The following LDLRAD4 variants were observed in gnomAD, a reference collection of about 807,000 sequenced individuals.
The protein encoded by LDLRAD4 is low density lipoprotein receptor class A domain containing 4.
LDLRAD4 carries 5 observed loss-of-function variants against 17.0 expected under a neutral mutation model. That is an observed-to-expected ratio of 0.29 (90% CI 0.15 to 0.62). The LOEUF (loss-of-function observed/expected upper bound fraction) is 0.62. Ranked by LOEUF, LDLRAD4 falls within the 20% of genes least tolerant of loss-of-function variation. LDLRAD4 has a pLI of 0.84. For synonymous variants in LDLRAD4, 168 were observed against 171.8 expected (o/e 0.98, Z 0.17); for missense variants, 340 against 424.7 (o/e 0.80, Z 1.75).
chr18:13,348,679 A>G (rs1462505342), intron 1 of LDLRAD4, among the ~76,000 whole-genome samples: 2 of 152,140 alleles, frequency 1.3e-5, no homozygotes, highest in South Asian at 2.1e-4. Context: ...GGTGGAGTCT[A>G]TAGAGGCAGG....
chr18:13,448,165 C>T (rs1253411081), intron 3 of LDLRAD4, among the ~76,000 whole-genome samples: 1 of 152,202 alleles, frequency 6.6e-6, no homozygotes. Flanking sequence ...ATTTCAGACC[C>T]AGGCTTCAAA....
upstream of LDLRAD4, among the ~76,000 whole-genome samples, chr18:13,218,555 T>C (rs1272401260): frequency 6.6e-6 from 1 of 152,010 alleles, no homozygotes; most frequent in Non-Finnish European, 1.5e-5. Flanking sequence ...AGCGGGAAGA[T>C]CCTGCAGGAC....
At chr18:13,294,741 G>A (rs1187892500) in intron 1 of LDLRAD4, among the ~76,000 whole-genome samples, 3 of 151,752 alleles carry the variant, frequency 2.0e-5, no homozygotes, top group Non-Finnish European at 4.4e-5. Context: ...GAAAATTCCG[G>A]TTGCAGACTT....
chr18:13,413,204 T>C (rs2088543120), intron 2 of LDLRAD4, among the ~76,000 whole-genome samples: 1 of 152,234 alleles, frequency 6.6e-6, no homozygotes, highest in African/African-American at 2.4e-5. Flanking sequence ...TGCTTGTATC[T>C]GCGTTTTCTG....
intron 4 of LDLRAD4, among the ~76,000 whole-genome samples, chr18:13,631,809 C>G (rs921275266): frequency 6.6e-6 from 1 of 152,066 alleles, no homozygotes; most frequent in Non-Finnish European, 1.5e-5. Flanking sequence ...CACCTGCAAT[C>G]CCAACTACTC....
intron 1 of LDLRAD4, among the ~76,000 whole-genome samples, chr18:13,376,252 T>C (rs1167191854): frequency 6.6e-6 from 1 of 152,072 alleles, no homozygotes; most frequent in Non-Finnish European, 1.5e-5. Flanking sequence ...TCAACTCCAG[T>C]GGGGAAGGGA....
At chr18:13,517,912 A>T (rs775445424) in intron 3 of LDLRAD4, among the ~76,000 whole-genome samples, 5 of 151,660 alleles carry the variant, frequency 3.3e-5, no homozygotes, top group Non-Finnish European at 7.4e-5. Flanking sequence ...CTAATTTTTT[A>T]TATTTTTGGT....
chr18:13,613,288 A>ACAT (rs2039774655), intron 3 of LDLRAD4: 1 of 152,746 alleles, frequency 6.5e-6, no homozygotes, highest in African/African-American at 2.4e-5. Flanking sequence ...AAAGTGAGAG[A>ACAT]CAGACAGACT....
intron 1 of LDLRAD4, among the ~76,000 whole-genome samples, chr18:13,265,873 C>T (rs897675981): frequency 1.3e-5 from 2 of 152,292 alleles, no homozygotes; most frequent in East Asian, 3.9e-4. Flanking sequence ...CCTCACTACT[C>T]CTGAGGTCTT....
intron 2 of LDLRAD4, among the ~76,000 whole-genome samples, chr18:13,393,781 C>A (rs911145123): frequency 6.6e-6 from 1 of 152,168 alleles, no homozygotes; most frequent in African/African-American, 2.4e-5. Context: ...TCAAGGCCCC[C>A]AGAGTTGCCT....
chr18:13,261,313 G>C (rs1208910572), intron 1 of LDLRAD4, among the ~76,000 whole-genome samples: 1 of 152,236 alleles, frequency 6.6e-6, no homozygotes, highest in Non-Finnish European at 1.5e-5. Flanking sequence ...TTGTTTACAA[G>C]AAAGAATGTG....
intron 3 of LDLRAD4, among the ~76,000 whole-genome samples, chr18:13,476,785 C>T (rs73406364): frequency 0.011 from 1,613 of 152,210 alleles, 23 homozygotes; most frequent in African/African-American, 0.036. Flanking sequence ...GCTCACAGCC[C>T]ACTTCACTCA....
At chr18:13,283,566 C>G (rs1424711647) in intron 1 of LDLRAD4, among the ~76,000 whole-genome samples, 1 of 152,194 alleles carries the variant, frequency 6.6e-6, no homozygotes, top group East Asian at 1.9e-4. Flanking sequence ...ACCACCTCAG[C>G]CTGGATTTTA....
At chr18:13,301,550 T>C (rs1257852902) in intron 1 of LDLRAD4, among the ~76,000 whole-genome samples, 1 of 152,182 alleles carries the variant, frequency 6.6e-6, no homozygotes, top group Non-Finnish European at 1.5e-5. Context: ...TGGCCTCATC[T>C]CTTCAGCTGA....
intron 3 of LDLRAD4, among the ~76,000 whole-genome samples, chr18:13,538,086 G>T (rs753362068): frequency 5.9e-5 from 9 of 152,082 alleles, no homozygotes; most frequent in Non-Finnish European, 1.2e-4. Flanking sequence ...TGCCAGTCTA[G>T]CTAGAGAACT....
At chr18:13,220,252 G>T (rs531529447) in intron 1 of LDLRAD4, among the ~76,000 whole-genome samples, 1 of 152,324 alleles carries the variant, frequency 6.6e-6, no homozygotes, top group Admixed American at 6.5e-5. Context: ...GCCAGTAAGG[G>T]ATTTGCTGTA....
chr18:13,568,658 G>C (rs189986820), intron 3 of LDLRAD4, among the ~76,000 whole-genome samples: 51 of 152,280 alleles, frequency 3.3e-4, no homozygotes, highest in Admixed American at 1.4e-3. Flanking sequence ...TGCTAAGGAA[G>C]AAAGGGAAGG....
At chr18:13,511,313 T>A (rs2093774295) in intron 3 of LDLRAD4, among the ~76,000 whole-genome samples, 1 of 151,944 alleles carries the variant, frequency 6.6e-6, no homozygotes, top group South Asian at 2.1e-4. Context: ...GGCGGGCGGA[T>A]CATGAGGTCA....
chr18:13,554,965 C>T (rs2148127010), intron 3 of LDLRAD4, among the ~76,000 whole-genome samples: 1 of 152,272 alleles, frequency 6.6e-6, no homozygotes, highest in African/African-American at 2.4e-5. Context: ...CTATAATGTG[C>T]CGGAAGTGAC....
Sources: allele counts gnomAD v4.1 joint callset (sites outside exome capture counted in the v4.1 genomes callset), GRCh38; gene constraint gnomAD v4.1.1; transcripts MANE v1.5; gene names NCBI Gene and HGNC (gene_info 2026-07-23, HGNC 2026-07-21).